Variants in DNALI1 observed in about 807,000 individuals in gnomAD.
DNALI1 encodes the protein axonemal dynein light intermediate polypeptide 1.
A neutral mutation model predicts 33.9 loss-of-function variants in DNALI1; 31 were observed. The observed-to-expected ratio is 0.91, with a 90% CI of 0.69 to 1.23. The LOEUF (loss-of-function observed/expected upper bound fraction) is 1.23. DNALI1 is among the 50% of genes most tolerant of loss of function. DNALI1 has a pLI of 0.00. For synonymous variants in DNALI1, 117 were observed against 129.2 expected (o/e 0.91, Z 0.64); for missense variants, 305 against 323.8 (o/e 0.94, Z 0.44).
chr1:37,560,810 A>T (rs1372267174), intron 3 of DNALI1: 1 of 152,208 alleles, frequency 6.6e-6, no homozygotes, highest in African/African-American at 2.4e-5. Context: ...GCATGTGCTA[A>T]TTTTTTAGTC....
chr1:37,564,686 G>A (rs1643479633), intron 5 of DNALI1, among the ~76,000 whole-genome samples: 1 of 152,144 alleles, frequency 6.6e-6, no homozygotes, highest in African/African-American at 2.4e-5. Flanking sequence ...CGGCCAGAGA[G>A]CCAAATGTTT....
Position 37,566,585 on chromosome 1 carries a change from A to G in DNALI1, c.*1524A>G, listed in dbSNP as rs1198120939. The G allele has an allele frequency of 2.4e-6, 1 of 410,050 alleles. No individual in the cohort carries two copies. The highest frequency in any genetic ancestry group is 4.1e-5 in the Admixed American group (1 of 24,430). The allele number at this position is 410,050 out of a possible 1,614,324, so 25.4% of individuals were successfully genotyped here. A position where few individuals can be genotyped will look rare whatever the true frequency, so the allele number is the denominator to read the frequency against. On this transcript the variant is annotated 3_prime_UTR_variant, in exon 6 of 6. Coordinates refer to ENST00000652629, the MANE Select transcript of DNALI1 (RefSeq NM_003462.5). ...CCACCCTTTCCATTTTATAGACCTC[A>G]TCCCCTATTTCTGTCAGACAGTTAT...
Position 37,565,926 on chromosome 1 carries a change from TG to T in DNALI1, c.*866del, listed in dbSNP as rs1321674936. 1 of 152,240 alleles carries T rather than the reference TG, an allele frequency of 6.6e-6. No individual in the cohort carries two copies. The highest frequency in any genetic ancestry group is 1.5e-5 in the Non-Finnish European group (1 of 68,050). The allele number at this position is 152,240 out of a possible 1,614,324, so 9.4% of individuals were successfully genotyped here. A position where few individuals can be genotyped will look rare whatever the true frequency, so the allele number is the denominator to read the frequency against. On this transcript the variant is annotated 3_prime_UTR_variant, in exon 6 of 6. Transcript: ENST00000652629. The stretch of plus-strand genomic sequence containing the variant: ...TATTTCTCTTCCATTCTCCTGGTTT[TG>T]TAGACCCAGAAGATTGAATGAGTGA...
In DNALI1 at chr1:37,559,201, C is replaced by G; in HGVS notation, c.228-126C>G. 3 of 970,392 alleles carry G rather than the reference C, an allele frequency of 3.1e-6. No homozygotes were observed. The highest frequency in any genetic ancestry group is 4.5e-6 in the Non-Finnish European group (3 of 670,662). The allele number at this position is 970,392 out of a possible 1,614,324, so 60.1% of individuals were successfully genotyped here. A position where few individuals can be genotyped will look rare whatever the true frequency, so the allele number is the denominator to read the frequency against. On this transcript the variant is annotated intron_variant, in intron 2 of 5. Coordinates refer to ENST00000652629, the MANE Select transcript of DNALI1 (RefSeq NM_003462.5). This position sits in a 1 kb window ranked among gnomAD's most constrained non-coding sequence, Gnocchi z 5.3. ...CTCACACCCCAAGGGATGGAGGATT[C>G]TGGTGGGTTGGTGGCAAAGCTGCCC...
At position 37,563,702 on chromosome 1, in the gene DNALI1, G is replaced by C. The variant is rs539502524; in HGVS notation, c.742-1324G>C. Reference sequence around the variant, plus strand: ...GATGGGGTTTCACCATGTTGGCCAGGCTGGTCATGAACTCCTGACCTCACA... The same window carrying C: ...GATGGGGTTTCACCATGTTGGCCAGCCTGGTCATGAACTCCTGACCTCACA... On this transcript the variant is annotated intron_variant, in intron 5 of 5. Transcript: ENST00000652629. Among the ~76,000 whole-genome samples, 307 of 152,134 alleles carry C rather than the reference G, an allele frequency of 2.0e-3. 2 individuals are homozygous for C. The highest frequency in any genetic ancestry group is 3.5e-3 in the Non-Finnish European group (238 of 68,000).
In DNALI1 at chr1:37,560,729, C is replaced by G. The variant is rs549120356; in HGVS notation, c.398-828C>G. 3.9e-5 allele frequency: 6 copies of G among 152,334 alleles called. No individual in the cohort carries two copies. The East Asian group carries it at 1.2e-3, about 29-fold the overall frequency. 9.4% of individuals were successfully genotyped at this position (152,334 alleles called of 1,614,324 possible). A position where few individuals can be genotyped will look rare whatever the true frequency, so the allele number is the denominator to read the frequency against. ...ACTATATTCTTGGCAACTTGAGTTC[C>G]TCACCCCTTAGCAGATGTTTGGAGT... On this transcript the variant is annotated intron_variant, in intron 3 of 5. Transcript: ENST00000652629.
chr1:37,560,269 G>T (rs1057002000), intron 3 of DNALI1, among the ~76,000 whole-genome samples: 5 of 152,172 alleles, frequency 3.3e-5, no homozygotes, highest in African/African-American at 9.7e-5. Flanking sequence ...CTGAGGGACG[G>T]TCAGGTCTTT....
Position 37,557,088 on chromosome 1 carries a change from G to T in DNALI1, c.81+13G>T, listed in dbSNP as rs752604849. 2 of 1,614,144 alleles carry T rather than the reference G, an allele frequency of 1.2e-6. No homozygotes were observed. Among genetic ancestry groups the T allele is most frequent in the Middle Eastern group, 1.6e-4 (1 of 6,062 alleles). The stretch of plus-strand genomic sequence containing the variant: ...ACGGAGCCCCAAGGTAAAGACGGGG[G>T]CTCGGGAGACAAAGGAGCCTCGAAA... On this transcript the variant is annotated intron_variant, in intron 1 of 5. Coordinates refer to ENST00000652629, the MANE Select transcript of DNALI1 (RefSeq NM_003462.5).
intron 3 of DNALI1, among the ~76,000 whole-genome samples, chr1:37,560,251 G>A (rs1166611217): frequency 6.6e-6 from 1 of 152,212 alleles, no homozygotes; most frequent in African/African-American, 2.4e-5. Flanking sequence ...CCCTTCACGG[G>A]TGTCAGGCTG....
chr1:37,557,516 A>T, intron 1 of DNALI1, 87 bp from the exon 2 acceptor site: 2 of 1,508,042 alleles, frequency 1.3e-6, no homozygotes, highest in Non-Finnish European at 8.9e-7. Flanking sequence ...AGGGCTGTGC[A>T]GAAGACCTGG....
In DNALI1 at chr1:37,562,090, T is replaced by C. The variant is rs146664178; in HGVS notation, c.586T>C (p.Leu196=). 5.7e-4 allele frequency: 919 copies of C among 1,613,838 alleles called. 15 individuals are homozygous for C. The Admixed American group carries it at 0.013, about 24-fold the overall frequency. The change falls in exon 5 of 6, where the codon TTG becomes CTG. Residue 196 remains leucine, a synonymous_variant. Coordinates refer to ENST00000652629, the MANE Select transcript of DNALI1 (RefSeq NM_003462.5). The surrounding 1 kb of genome is among the most constrained non-coding windows in gnomAD (Gnocchi z 5.8). ...KSDMERKIAE[L]ETEKRDLERQ... ...GGCATTCTCTCCTCAGATCGCAGAATTGGAGACGGAAAAGAGAGACCTGGA... is the reference window on the plus strand; with the variant it reads ...GGCATTCTCTCCTCAGATCGCAGAACTGGAGACGGAAAAGAGAGACCTGGA...
rs909203115 is a variant in DNALI1, at chr1:37,561,873, A to C, written c.576+138A>C. 7.3e-6 allele frequency: 10 copies of C among 1,370,886 alleles called. No individual in the cohort carries two copies. Among genetic ancestry groups the C allele is most frequent in the African/African-American group, 2.9e-5 (2 of 69,010 alleles). The allele number at this position is 1,370,886 out of a possible 1,614,324, so 84.9% of individuals were successfully genotyped here. ...ACGACACCTGGACTTGCATCACCTCAGTGAGGGACCCCTGGTTGAGTATGA... is the reference window on the plus strand; with the variant it reads ...ACGACACCTGGACTTGCATCACCTCCGTGAGGGACCCCTGGTTGAGTATGA... On this transcript the variant is annotated intron_variant, in intron 4 of 5. Transcript: ENST00000652629. The surrounding 1 kb of genome is among the most constrained non-coding windows in gnomAD (Gnocchi z 4.6).
Position 37,566,681 on chromosome 1 carries a change from A to G in DNALI1, c.*1620A>G. 3.3e-6 allele frequency: 2 copies of G among 612,932 alleles called. No individual in the cohort carries two copies. The highest frequency in any genetic ancestry group is 5.7e-6 in the Non-Finnish European group (2 of 352,866). The allele number at this position is 612,932 out of a possible 1,614,324, so 38.0% of individuals were successfully genotyped here. On this transcript the variant is annotated 3_prime_UTR_variant, in exon 6 of 6. Coordinates refer to ENST00000652629, the MANE Select transcript of DNALI1 (RefSeq NM_003462.5). ...TGAAGTGCTAGACTTTCAGACTCTT[A>G]TCACTGAAATCCTTAAGGTTGAGGA...
Position 37,562,211 on chromosome 1 carries a change from T to G in DNALI1, c.707T>G (p.Ile236Ser), listed in dbSNP as rs772773309. 1 of 1,613,234 alleles carries G rather than the reference T, an allele frequency of 6.2e-7. No individual in the cohort carries two copies. The highest frequency in any genetic ancestry group is 1.7e-5 in the Admixed American group (1 of 59,942). Residue 236 changes from isoleucine to serine, a missense_variant, in exon 5 of 6, where the codon ATT (isoleucine) becomes AGT (serine). Coordinates refer to ENST00000652629, the MANE Select transcript of DNALI1 (RefSeq NM_003462.5). The surrounding 1 kb of genome is among the most constrained non-coding windows in gnomAD (Gnocchi z 5.8). ...QVEEKKHNEE[I>S]QFLKRTNQQL... is the part of the protein sequence containing the mutation. ...GAGGAGAAGAAGCACAATGAGGAGA[T>G]TCAGTTCCTGAAGCGAACAAATCAG...
At chr1:37,558,310 G>A (rs1250560390) in intron 2 of DNALI1, 1 of 152,440 alleles carries the variant, frequency 6.6e-6, no homozygotes, top group Non-Finnish European at 1.5e-5. Flanking sequence ...CCACCATCTT[G>A]CTCCTAGTCA....
intron 1 of DNALI1, 72 bp from the exon 2 acceptor site, chr1:37,557,531 A>G (rs963213111): frequency 6.5e-7 from 1 of 1,539,422 alleles, no homozygotes; most frequent in Non-Finnish European, 8.7e-7. Context: ...ACCTGGAGCA[A>G]TATACAGGTT....
In DNALI1 at chr1:37,562,261, G is replaced by C. The variant is rs1643449763; in HGVS notation, c.741+16G>C. 6.2e-7 allele frequency: 1 copy of C among 1,606,714 alleles called. No individual in the cohort carries two copies. On this transcript the variant is annotated intron_variant, in intron 5 of 5. Coordinates refer to ENST00000652629, the MANE Select transcript of DNALI1 (RefSeq NM_003462.5). This position sits in a 1 kb window ranked among gnomAD's most constrained non-coding sequence, Gnocchi z 5.8. Reference sequence around the variant, plus strand: ...GCAGCTGAAGGTAATCAACGCGCAGGGTGGGGTGGAGGTGCCCCCTGCCCT... The same window carrying C: ...GCAGCTGAAGGTAATCAACGCGCAGCGTGGGGTGGAGGTGCCCCCTGCCCT...
intron 2 of DNALI1, 122 bp downstream of exon 2, chr1:37,557,870 C>T (rs539568664): frequency 7.3e-7 from 1 of 1,371,264 alleles, no homozygotes; most frequent in African/African-American, 1.5e-5. Flanking sequence ...TATCACAGAG[C>T]TCCTAGAACT....
chr1:37,561,794 T>C lies in DNALI1; in HGVS notation c.576+59T>C. On this transcript the variant is annotated intron_variant, in intron 4 of 5. Coordinates refer to ENST00000652629, the MANE Select transcript of DNALI1 (RefSeq NM_003462.5). The surrounding 1 kb of genome is among the most constrained non-coding windows in gnomAD (Gnocchi z 4.6). ...CTCTTCTGTAAACCTCAGGGCCACA[T>C]GCTTATCATTCCAGCACTACATTCT... 1 of 1,564,960 alleles carries C rather than the reference T, an allele frequency of 6.4e-7. No individual in the cohort carries two copies. Among genetic ancestry groups the C allele is most frequent in the Non-Finnish European group, 8.7e-7 (1 of 1,149,868 alleles).
Sources: allele counts gnomAD v4.1 joint callset (sites outside exome capture counted in the v4.1 genomes callset), GRCh38; gene constraint gnomAD v4.1.1; non-coding constraint Gnocchi (gnomAD v3.1); transcripts MANE v1.5; gene names NCBI Gene and HGNC (gene_info 2026-07-23, HGNC 2026-07-21).